Variants in PAPPA2 observed in about 807,000 individuals in gnomAD.
PAPPA2 encodes pappalysin 2, also known as pappalysin-2.
In PAPPA2, 86 loss-of-function variants were observed where a neutral mutation model predicts 176.4. That is an observed-to-expected ratio of 0.49 (90% confidence interval 0.41 to 0.58). The LOEUF is 0.58. Ranked by LOEUF, PAPPA2 falls within the 20% of genes least tolerant of loss-of-function variation. The pLI, the probability that PAPPA2 is intolerant of heterozygous loss-of-function variation, is 0.00. For missense variants in PAPPA2, 2,073 were observed against 2,256.9 expected, an observed-to-expected ratio of 0.92 and a Z score of 1.65; for synonymous variants, 809 against 852.2, an observed-to-expected ratio of 0.95 and a Z score of 0.88.
chr1:176,804,919 C>T (rs1404068395), intron 21 of PAPPA2, among the ~76,000 whole-genome samples: 1 of 151,470 alleles, frequency 6.6e-6, no homozygotes, highest in Non-Finnish European at 1.5e-5. Context: ...GTACTTTCTT[C>T]CCAGCATAGA....
intron 21 of PAPPA2, among the ~76,000 whole-genome samples, chr1:176,831,318 T>A (rs368236775): frequency 1.3e-5 from 2 of 152,278 alleles, no homozygotes; most frequent in African/African-American, 4.8e-5. Context: ...CCAGGACACA[T>A]TCCCGTCAGG....
intron 1 of PAPPA2, among the ~76,000 whole-genome samples, chr1:176,488,871 T>C (rs1652769179): frequency 6.6e-6 from 1 of 152,164 alleles, no homozygotes; most frequent in Non-Finnish European, 1.5e-5. Context: ...GGGGAGGCAC[T>C]GAAGTGGGAG....
chr1:176,542,619 T>G (rs1178304643), intron 1 of PAPPA2, among the ~76,000 whole-genome samples: 1 of 152,184 alleles, frequency 6.6e-6, no homozygotes, highest in African/African-American at 2.4e-5. Context: ...AAGACAAGCT[T>G]GAACTTCCCC....
Position 176,595,052 on chromosome 1 carries a change from G to T in PAPPA2, c.1448G>T (p.Gly483Val). ...TACCCACGACTTGAGGTTCTCCAGG[G>T]CTTTGAGCCAGAGCCTGAGATTCTG... ...EKYPRLEVLQ[G>V]FEPEPEILSP... The change falls in exon 3 of 23, where the codon GGC (glycine) becomes GTC (valine). Residue 483 changes from glycine to valine, a missense_variant. Around this residue, in one of 4 missense-constraint regions of PAPPA2, gnomAD observed 1,196 missense variants for 1,330.4 expected, o/e 0.90. Coordinates refer to ENST00000367662, the MANE Select transcript of PAPPA2 (RefSeq NM_020318.3). The T allele has an allele frequency of 1.9e-6, 3 of 1,614,182 alleles. No individual in the cohort carries two copies. Among genetic ancestry groups the T allele is most frequent in the Non-Finnish European group, 2.5e-6 (3 of 1,180,048 alleles).
chr1:176,709,429 T>G (rs1264365395), intron 10 of PAPPA2, among the ~76,000 whole-genome samples: 2 of 152,002 alleles, frequency 1.3e-5, no homozygotes, highest in East Asian at 3.9e-4. Flanking sequence ...ATAACATATG[T>G]AAGCCTCAAA....
At chr1:176,811,433 G>A (rs1666144277) in intron 21 of PAPPA2, among the ~76,000 whole-genome samples, 1 of 152,092 alleles carries the variant, frequency 6.6e-6, no homozygotes, top group South Asian at 2.1e-4. Flanking sequence ...CTTCAGGGCT[G>A]ATTTTTCTTT....
In PAPPA2 at chr1:176,595,120, A is replaced by C. The variant is rs769815554; in HGVS notation, c.1516A>C (p.Asn506His). 7 of 1,614,032 alleles carry C rather than the reference A, an allele frequency of 4.3e-6. No individual in the cohort carries two copies. The highest frequency in any genetic ancestry group is 5.1e-6 in the Non-Finnish European group (6 of 1,180,024). ...PPLCGQTVCDNVELISQYNGY... is the reference protein window; with the variant it reads ...PPLCGQTVCDHVELISQYNGY... ...ACTCTGTGGGCAAACAGTCTGTGAC[A>C]ATGTGGAATTGATCTCCCAGTACAA... The change falls in exon 3 of 23, where the codon AAT becomes CAT. Residue 506 changes from asparagine (N) to histidine (H), a missense_variant. By Grantham distance (68) the Asn-to-His change is moderately conservative. Around this residue, in one of 4 missense-constraint regions of PAPPA2, gnomAD observed 1,196 missense variants for 1,330.4 expected, o/e 0.90. Coordinates refer to ENST00000367662, the MANE Select transcript of PAPPA2 (RefSeq NM_020318.3).
chr1:176,504,998 T>C (rs1388736286), intron 1 of PAPPA2, among the ~76,000 whole-genome samples: 1 of 152,108 alleles, frequency 6.6e-6, no homozygotes, highest in African/African-American at 2.4e-5. Context: ...CACAGAATGA[T>C]CTAGCCCATC....
At chr1:176,638,614 T>G (rs1482871983) in intron 3 of PAPPA2, among the ~76,000 whole-genome samples, 1 of 152,010 alleles carries the variant, frequency 6.6e-6, no homozygotes, top group African/African-American at 2.4e-5. Flanking sequence ...TGAACCCTCC[T>G]TCATGGCGCA....
chr1:176,741,506 A>C (rs1213255336), intron 14 of PAPPA2, among the ~76,000 whole-genome samples: 1 of 152,218 alleles, frequency 6.6e-6, no homozygotes, highest in East Asian at 1.9e-4. Flanking sequence ...AGGAAGCCAC[A>C]GTCTTTTTAT....
At chr1:176,803,633 C>T (rs1232131592) in intron 21 of PAPPA2, among the ~76,000 whole-genome samples, 1 of 152,174 alleles carries the variant, frequency 6.6e-6, no homozygotes, top group East Asian at 1.9e-4. Flanking sequence ...CTCAACATTT[C>T]TCATCTGGAC....
At chr1:176,830,661 A>T (rs1667049402) in intron 21 of PAPPA2, among the ~76,000 whole-genome samples, 1 of 151,986 alleles carries the variant, frequency 6.6e-6, no homozygotes, top group Non-Finnish European at 1.5e-5. Context: ...GTATCTGAAG[A>T]CCTTGCAGAC....
In PAPPA2 at chr1:176,840,222, G is replaced by A; in HGVS notation, c.5252G>A (p.Cys1751Tyr). ...GACACTATCAACAACCGAGCCTACT[G>A]CCACTATGACGGGGGAGACTGCTGC... ...WCDTINNRAYCHYDGGDCCSS... is the reference protein window; with the variant it reads ...WCDTINNRAYYHYDGGDCCSS... The change falls in exon 22 of 23, where the codon TGC (cysteine) becomes TAC (tyrosine). Residue 1751 changes from cysteine (C) to tyrosine (Y), a missense_variant. Coordinates refer to ENST00000367662, the MANE Select transcript of PAPPA2 (RefSeq NM_020318.3). 2 of 1,613,538 alleles carry A rather than the reference G, an allele frequency of 1.2e-6. No individual in the cohort carries two copies. The highest frequency in any genetic ancestry group is 1.7e-6 in the Non-Finnish European group (2 of 1,179,686).
intron 12 of PAPPA2, among the ~76,000 whole-genome samples, chr1:176,738,362 A>C (rs1373595933): frequency 6.6e-6 from 1 of 152,172 alleles, no homozygotes; most frequent in Non-Finnish European, 1.5e-5. Context: ...ACTGAAAATC[A>C]TAAAATCATC....
chr1:176,716,037 C>A (rs1317104867), intron 12 of PAPPA2, among the ~76,000 whole-genome samples: 1 of 151,148 alleles, frequency 6.6e-6, no homozygotes, highest in Non-Finnish European at 1.5e-5. Context: ...GGTTAACCTT[C>A]AAAAAATCTA....
intron 3 of PAPPA2, among the ~76,000 whole-genome samples, chr1:176,657,338 G>A (rs1057354781): frequency 4.6e-5 from 7 of 151,938 alleles, no homozygotes; most frequent in African/African-American, 1.4e-4. Flanking sequence ...TTAGAAGGAA[G>A]TAGAAAGATT....
chr1:176,641,389 G>A (rs1657079368), intron 3 of PAPPA2, among the ~76,000 whole-genome samples: 1 of 151,600 alleles, frequency 6.6e-6, no homozygotes, highest in South Asian at 2.1e-4. Context: ...AAGGGATCCA[G>A]TTTCAGCTTT....
intron 2 of PAPPA2, among the ~76,000 whole-genome samples, chr1:176,565,432 C>T (rs1007618561): frequency 3.9e-5 from 6 of 152,200 alleles, no homozygotes; most frequent in Non-Finnish European, 5.9e-5. Flanking sequence ...CAGTGGCTCA[C>T]GCCTGTAAAA....
intron 3 of PAPPA2, among the ~76,000 whole-genome samples, chr1:176,605,993 A>C (rs1654588985): frequency 6.6e-6 from 1 of 152,100 alleles, no homozygotes; most frequent in African/African-American, 2.4e-5. Flanking sequence ...TGCATGATTT[A>C]GATTTCAAAC....
Sources: gnomAD v4.1 joint callset for allele counts (sites outside exome capture counted in the v4.1 genomes callset) on GRCh38, gnomAD v4.1.1 for gene constraint, gnomAD v4.1.1 regional missense constraint, MANE v1.5 for transcripts, NCBI Gene and HGNC (gene_info 2026-07-23, HGNC 2026-07-21) for gene names.